The following CNTNAP5 variants were observed in gnomAD, a reference collection of about 807,000 sequenced individuals.
CNTNAP5 encodes the protein contactin-associated protein-like 5.
Under a neutral mutation model 150.2 loss-of-function variants are expected in CNTNAP5, and 72 were observed. The ratio of observed to expected loss-of-function variants is 0.48; its 90% CI spans 0.40 to 0.58. The LOEUF (loss-of-function observed/expected upper bound fraction) is 0.58, where lower values mean the gene tolerates loss of function less well. Ranked by LOEUF, CNTNAP5 falls within the 20% of genes least tolerant of loss-of-function variation. The pLI is 0.00. For synonymous variants in CNTNAP5, 672 were observed against 619.8 expected, an observed-to-expected ratio of 1.08 and a Z score of -1.25; for missense variants, 1,636 against 1,626.2, an observed-to-expected ratio of 1.01 and a Z score of -0.10.
chr2:124,430,039 A>C (rs1174377545), intron 4 of CNTNAP5, among the ~76,000 whole-genome samples: 1 of 152,126 alleles, frequency 6.6e-6, no homozygotes, highest in Non-Finnish European at 1.5e-5. Flanking sequence ...CTGGACTATA[A>C]ACCACTGAGA....
intron 8 of CNTNAP5, among the ~76,000 whole-genome samples, chr2:124,512,853 GC>G (rs1694624048): frequency 6.6e-6 from 1 of 152,116 alleles, no homozygotes; most frequent in Non-Finnish European, 1.5e-5. Context: ...CAGATCAACA[GC>G]CATAATGAAT....
chr2:124,299,168 AGAG>A (rs1261244642), intron 3 of CNTNAP5, among the ~76,000 whole-genome samples: 1 of 152,180 alleles, frequency 6.6e-6, no homozygotes, highest in East Asian at 1.9e-4. Context: ...CCACGCAGGA[AGAG>A]GAGGGGCCAG....
At chr2:124,397,589 C>A (rs1487564267) in intron 3 of CNTNAP5, among the ~76,000 whole-genome samples, 1 of 152,184 alleles carries the variant, frequency 6.6e-6, no homozygotes, top group Non-Finnish European at 1.5e-5. Flanking sequence ...GCAAAGTCAT[C>A]TTTGGAGGTC....
chr2:124,845,234 T>G (rs2104697091), intron 19 of CNTNAP5, among the ~76,000 whole-genome samples: 1 of 152,274 alleles, frequency 6.6e-6, no homozygotes, highest in African/African-American at 2.4e-5. Context: ...TCTATTGAGA[T>G]CATCATGTGA....
At chr2:124,562,124 A>G (rs953813444) in intron 10 of CNTNAP5, among the ~76,000 whole-genome samples, 3 of 152,214 alleles carry the variant, frequency 2.0e-5, no homozygotes, top group Non-Finnish European at 4.4e-5. Flanking sequence ...GAACTCAGAT[A>G]CATGTCTCCC....
chr2:124,905,122 T>G (rs1056441693), intron 22 of CNTNAP5, among the ~76,000 whole-genome samples: 33 of 121,512 alleles, frequency 2.7e-4, no homozygotes, highest in African/African-American at 9.9e-4. Context: ...TTTTGTTTTT[T>G]TTTGTTTTTT....
chr2:124,332,603 T>G (rs116369880), intron 3 of CNTNAP5, among the ~76,000 whole-genome samples: 4,229 of 151,728 alleles, frequency 0.028, 218 homozygotes, highest in African/African-American at 0.096. Flanking sequence ...GACCTAGATA[T>G]TCAATGAACA....
At chr2:124,635,460 AG>A (rs1408288043) in intron 12 of CNTNAP5, among the ~76,000 whole-genome samples, 1 of 152,164 alleles carries the variant, frequency 6.6e-6, no homozygotes, top group Non-Finnish European at 1.5e-5. Flanking sequence ...GGCTAGGCAA[AG>A]AAGGGAAACC....
chr2:124,697,883 TCTATTATTATC>T (rs1233337988), intron 13 of CNTNAP5, among the ~76,000 whole-genome samples: 1 of 152,188 alleles, frequency 6.6e-6, no homozygotes, highest in Non-Finnish European at 1.5e-5. Context: ...TCAGATAGAT[TCTATTATTATC>T]CTCATTTTGT....
chr2:124,109,063 T>C (rs765153701), intron 1 of CNTNAP5, among the ~76,000 whole-genome samples: 24 of 152,214 alleles, frequency 1.6e-4, no homozygotes, highest in Middle Eastern at 6.8e-3. Flanking sequence ...AGCACAGAGA[T>C]GTGAGGTCTT....
At position 124,609,956 on chromosome 2, in the gene CNTNAP5, C is replaced by T. The variant is rs79894956; in HGVS notation, c.1876+36C>T. ...AGTAGCCCTACTCACACTTAACCAC[C>T]CCACTTCATGGAAGGAAGCAAAAAT... On this transcript the variant is annotated intron_variant, in intron 12 of 23. Coordinates refer to ENST00000682447, the MANE Select transcript of CNTNAP5 (RefSeq NM_001367498.1). 5 of 1,575,748 alleles carry T rather than the reference C, an allele frequency of 3.2e-6. No individual in the cohort carries two copies. The East Asian group carries it at 1.1e-4, about 36-fold the overall frequency.
intron 1 of CNTNAP5, among the ~76,000 whole-genome samples, chr2:124,214,976 T>C (rs1686117248): frequency 6.6e-6 from 1 of 152,174 alleles, no homozygotes; most frequent in Non-Finnish European, 1.5e-5. Flanking sequence ...TAGGGTTTCA[T>C]CGTGAAGAAT....
chr2:124,624,673 G>A (rs1415332008), intron 12 of CNTNAP5, among the ~76,000 whole-genome samples: 1 of 152,178 alleles, frequency 6.6e-6, no homozygotes, highest in Non-Finnish European at 1.5e-5. Flanking sequence ...ACAGTTTGGA[G>A]AAGATGGACA....
chr2:124,499,571 C>T (rs112187177), intron 7 of CNTNAP5, among the ~76,000 whole-genome samples: 4 of 152,250 alleles, frequency 2.6e-5, no homozygotes, highest in African/African-American at 9.6e-5. Flanking sequence ...AGGGTAGTGC[C>T]GATGACGAGG....
At chr2:124,526,241 C>T (rs1425768018) in intron 9 of CNTNAP5, among the ~76,000 whole-genome samples, 1 of 152,098 alleles carries the variant, frequency 6.6e-6, no homozygotes, top group African/African-American at 2.4e-5. Flanking sequence ...TAAACAAATG[C>T]CCCACGCGTA....
intron 14 of CNTNAP5, among the ~76,000 whole-genome samples, chr2:124,753,262 G>A (rs1680769768): frequency 6.6e-6 from 1 of 152,078 alleles, no homozygotes; most frequent in African/African-American, 2.4e-5. Context: ...TATCTTTTTA[G>A]CACATGGAAT....
At chr2:124,775,436 T>G (rs1332834589) in intron 17 of CNTNAP5, among the ~76,000 whole-genome samples, 1 of 152,186 alleles carries the variant, frequency 6.6e-6, no homozygotes, top group African/African-American at 2.4e-5. Context: ...TACTTAAATA[T>G]TAATTTGGAT....
chr2:124,201,888 T>C (rs185597437), intron 1 of CNTNAP5, among the ~76,000 whole-genome samples: 1 of 152,308 alleles, frequency 6.6e-6, no homozygotes, highest in East Asian at 1.9e-4. Flanking sequence ...CATCTTAGTA[T>C]CAACATTGGC....
At chr2:124,816,473 C>CTTTTTTTTTTTTTT (rs34089178) in intron 19 of CNTNAP5, among the ~76,000 whole-genome samples, 1 of 107,662 alleles carries the variant, frequency 9.3e-6, no homozygotes, top group Admixed American at 1.1e-4. Context: ...TTGCAGCTTA[C>CTTTTTTTTTTTTTT]TTTTTTTTTT....
Sources: gnomAD v4.1 joint callset for allele counts (sites outside exome capture counted in the v4.1 genomes callset) on GRCh38, gnomAD v4.1.1 for gene constraint, MANE v1.5 for transcripts, NCBI Gene and HGNC (gene_info 2026-07-23, HGNC 2026-07-21) for gene names.